SGIP1: variants seen among roughly 807,000 people sequenced by gnomAD.
SGIP1 encodes SH3-containing GRB2-like protein 3-interacting protein 1.
A neutral mutation model predicts 107.5 loss-of-function variants in SGIP1; 38 were observed. That is an observed-to-expected ratio of 0.35 (90% CI 0.27 to 0.46). The LOEUF is 0.46. SGIP1 is among the 20% of genes least tolerant of loss of function. The probability of loss-of-function intolerance (pLI) is 1.00; values close to 1 mark genes in which losing one functional copy is unlikely to be tolerated. For missense variants in SGIP1, 929 were observed against 1,019.5 expected (o/e 0.91, Z 1.21); for synonymous variants, 365 against 366.1 (o/e 1.00, Z 0.03).
intron 18 of SGIP1, among the ~76,000 whole-genome samples, chr1:66,717,153 T>C (rs1205823882): frequency 6.6e-6 from 1 of 152,196 alleles, no homozygotes; most frequent in Non-Finnish European, 1.5e-5. Flanking sequence ...AATGTAGATT[T>C]ATCTATCCTC....
intron 1 of SGIP1, among the ~76,000 whole-genome samples, chr1:66,579,221 C>T (rs965768207): frequency 2.0e-5 from 3 of 152,026 alleles, no homozygotes; most frequent in African/African-American, 4.8e-5. Context: ...CCTATCCTAC[C>T]ATGTCAGTAC....
chr1:66,682,050 A>C lies in SGIP1; in HGVS notation c.996A>C (p.Lys332Asn). 6.2e-7 allele frequency: 1 copy of C among 1,614,192 alleles called. No individual in the cohort carries two copies. The highest frequency in any genetic ancestry group is 8.5e-7 in the Non-Finnish European group (1 of 1,180,030). ...CTCCGGAGTTGACTCCAAGGGAAAA[A>C]GTGGTGTCCCCACCAGCTACACCAG... ...HVTPELTPRE[K>N]VVSPPATPDN... Residue 332 changes from lysine (K) to asparagine (N), a missense_variant, in exon 15 of 25, where the codon AAA (lysine) becomes AAC (asparagine). By Grantham distance (94) the Lys-to-Asn change is moderately conservative (BLOSUM62 0). This residue lies in a region of SGIP1 where 588 missense variants were observed against 588.6 expected (regional missense o/e 1.00). Coordinates refer to ENST00000371037, the MANE Select transcript of SGIP1 (RefSeq NM_032291.4).
At chr1:66,630,848 A>AG (rs1491291886) in intron 2 of SGIP1, among the ~76,000 whole-genome samples, 48 of 26,580 alleles carry the variant, frequency 1.8e-3, no homozygotes, top group East Asian at 6.2e-3. Context: ...AGAAAGAAAG[A>AG]AAGAAAGAAA....
At chr1:66,675,537 CTTTCTTTTTTTTTT>C (rs2085044556) in intron 12 of SGIP1, among the ~76,000 whole-genome samples, 1 of 109,242 alleles carries the variant, frequency 9.2e-6, no homozygotes, top group South Asian at 3.1e-4. Flanking sequence ...TTTTCTTTTT[CTTTCTTTTTTTTTT>C]TTTTTTTTGA....
intron 1 of SGIP1, among the ~76,000 whole-genome samples, chr1:66,605,574 A>T (rs2066658392): frequency 6.6e-6 from 1 of 151,390 alleles, no homozygotes; most frequent in African/African-American, 2.4e-5. Flanking sequence ...GGCAGTCTGG[A>T]TGTCACAAAA....
intron 13 of SGIP1, among the ~76,000 whole-genome samples, chr1:66,678,716 G>A (rs938658382): frequency 1.3e-5 from 2 of 152,114 alleles, no homozygotes; most frequent in African/African-American, 2.4e-5. Flanking sequence ...AATAAAGTAC[G>A]GGAAGGGGAG....
intron 1 of SGIP1, among the ~76,000 whole-genome samples, chr1:66,550,039 C>T (rs1395463411): frequency 6.6e-6 from 1 of 152,068 alleles, no homozygotes; most frequent in Non-Finnish European, 1.5e-5. Context: ...TTGAAGAGCT[C>T]ATTGCTATAC....
chr1:66,717,290 C>T (rs924932952), intron 18 of SGIP1, among the ~76,000 whole-genome samples: 4 of 152,116 alleles, frequency 2.6e-5, no homozygotes, highest in African/African-American at 9.7e-5. Flanking sequence ...CTGGTAGTTG[C>T]TCAATAAACA....
At chr1:66,567,447 G>C (rs1212968767) in intron 1 of SGIP1, among the ~76,000 whole-genome samples, 1 of 152,124 alleles carries the variant, frequency 6.6e-6, no homozygotes, top group Non-Finnish European at 1.5e-5. Context: ...CTCCCATTCT[G>C]TATGTTGCCT....
At chr1:66,708,911 A>G (rs1189059380) in intron 18 of SGIP1, among the ~76,000 whole-genome samples, 1 of 152,162 alleles carries the variant, frequency 6.6e-6, no homozygotes, top group African/African-American at 2.4e-5. Flanking sequence ...GTTCTACGCT[A>G]TGAGAACTGA....
intron 1 of SGIP1, among the ~76,000 whole-genome samples, chr1:66,537,587 T>G (rs1440860202): frequency 6.6e-6 from 1 of 152,088 alleles, no homozygotes; most frequent in Admixed American, 6.5e-5. Flanking sequence ...AGTTCCATAT[T>G]CAGGCTCTTA....
At chr1:66,606,549 A>C (rs2066881441) in intron 1 of SGIP1, among the ~76,000 whole-genome samples, 1 of 152,194 alleles carries the variant, frequency 6.6e-6, no homozygotes. Flanking sequence ...GAGACATGAC[A>C]GAGGGCTTGG....
At chr1:66,688,840 G>C (rs1281099672) in intron 15 of SGIP1, among the ~76,000 whole-genome samples, 1 of 152,074 alleles carries the variant, frequency 6.6e-6, no homozygotes, top group African/African-American at 2.4e-5. Flanking sequence ...ATAATGAAAG[G>C]TACCTACCAT....
At chr1:66,705,762 TA>T (rs1172643683) in intron 18 of SGIP1, among the ~76,000 whole-genome samples, 1 of 151,962 alleles carries the variant, frequency 6.6e-6, no homozygotes, top group African/African-American at 2.4e-5. Flanking sequence ...AGAAAAGAAA[TA>T]AACCATTCAA....
Position 66,682,055 on chromosome 1 carries a change from T to G in SGIP1, c.1001T>G (p.Val334Gly), listed in dbSNP as rs758121097. The part of the protein sequence containing the change: ...TPELTPREKV[V>G]SPPATPDNPA... Reference sequence around the variant, plus strand: ...GAGTTGACTCCAAGGGAAAAAGTGGTGTCCCCACCAGCTACACCAGACAAC... The same window carrying G: ...GAGTTGACTCCAAGGGAAAAAGTGGGGTCCCCACCAGCTACACCAGACAAC... Residue 334 changes from valine (V) to glycine (G), a missense_variant, in exon 15 of 25, where the codon GTG becomes GGG. By Grantham distance (109) the Val-to-Gly change is moderately radical (BLOSUM62 -3). Coordinates refer to ENST00000371037, the MANE Select transcript of SGIP1 (RefSeq NM_032291.4). The G allele has an allele frequency of 3.7e-6, 6 of 1,614,164 alleles. No individual in the cohort carries two copies. The East Asian group carries it at 1.1e-4, about 30-fold the overall frequency.
chr1:66,577,042 A>G (rs2061162290), intron 1 of SGIP1, among the ~76,000 whole-genome samples: 1 of 152,168 alleles, frequency 6.6e-6, no homozygotes. Context: ...GAGAAGGGCA[A>G]CTTTTAGTGC....
intron 10 of SGIP1, 61 bp from the exon 11 acceptor site, chr1:66,671,883 A>T: frequency 6.8e-7 from 1 of 1,471,442 alleles, no homozygotes; most frequent in East Asian, 2.3e-5. Context: ...AACATAGGTT[A>T]TAAGACATAT....
At chr1:66,589,709 A>G (rs1530490) in intron 1 of SGIP1, among the ~76,000 whole-genome samples, 28,599 of 151,964 alleles carry the variant, frequency 0.19, 3,183 homozygotes, top group African/African-American at 0.31. Context: ...TTCCTAAGAT[A>G]TTTTCTTTAA....
At chr1:66,593,695 C>T (rs1024468764) in intron 1 of SGIP1, among the ~76,000 whole-genome samples, 3 of 152,078 alleles carry the variant, frequency 2.0e-5, no homozygotes, top group African/African-American at 7.2e-5. Flanking sequence ...TTGCTTGAGC[C>T]CAGGAAGTGG....
Sources: gnomAD v4.1 joint callset for allele counts (sites outside exome capture counted in the v4.1 genomes callset) on GRCh38, gnomAD v4.1.1 for gene constraint, gnomAD v4.1.1 regional missense constraint, MANE v1.5 for transcripts, NCBI Gene and HGNC (gene_info 2026-07-23, HGNC 2026-07-21) for gene names.